The following SESN3 variants were observed in gnomAD, a reference collection of about 807,000 sequenced individuals.
SESN3 encodes sestrin 3.
Under a neutral mutation model 55.3 loss-of-function variants are expected in SESN3, and 21 were observed. The observed-to-expected ratio is 0.38, with a 90% CI of 0.27 to 0.55. SESN3 has a LOEUF of 0.55. Among genes scored for constraint, SESN3 ranks in the 20% least tolerant of loss-of-function variants. The pLI is 0.76. For synonymous variants in SESN3, 181 were observed against 203.1 expected (o/e 0.89, Z 0.93); for missense variants, 408 against 604.3 (o/e 0.68, Z 3.41).
Position 95,170,196 on chromosome 11 carries a change from C to A in SESN3, c.*3059G>T, listed in dbSNP as rs1859823937. 1 of 152,126 alleles carries A rather than the reference C, an allele frequency of 6.6e-6. No individual in the cohort carries two copies. The highest frequency in any genetic ancestry group is 1.5e-5 in the Non-Finnish European group (1 of 68,022). 9.4% of individuals were successfully genotyped at this position (152,126 alleles called of 1,614,324 possible). The stretch of plus-strand genomic sequence containing the variant: ...CTCGTCTGAAGAAGCCAGTGAGGCA[C>A]CTGCCTGGCTACTCCCATAGTCAGG... On this transcript the variant is annotated 3_prime_UTR_variant, in exon 10 of 10. Coordinates refer to ENST00000536441, the MANE Select transcript of SESN3 (RefSeq NM_144665.4).
intron 3 of SESN3, among the ~76,000 whole-genome samples, chr11:95,190,728 A>G (rs902797940): frequency 4.6e-5 from 7 of 152,110 alleles, no homozygotes; most frequent in African/African-American, 1.4e-4. Flanking sequence ...ACGTGGTCAA[A>G]CTTAATCTCC....
chr11:95,175,494 G>A lies in SESN3; in HGVS notation c.1392+4C>T, dbSNP rs11021065. On this transcript the variant is annotated splice_donor_region_variant and intron_variant, in intron 9 of 9. Transcript: ENST00000536441. ...GGTATAATGCTTAATACTGAAACAC[G>A]TACTTTTTCTGAGTGTTTGAACTGC... The A allele has an allele frequency of 2.5e-6, 4 of 1,611,994 alleles. No homozygotes were observed. The highest frequency in any genetic ancestry group is 1.7e-4 in the Middle Eastern group (1 of 6,056).
intron 1 of SESN3, among the ~76,000 whole-genome samples, chr11:95,207,012 C>T (rs1300515896): frequency 2.6e-5 from 4 of 152,066 alleles, no homozygotes; most frequent in Admixed American, 2.6e-4. Context: ...AACTCCTGAC[C>T]TCGTGATCCA....
intron 1 of SESN3, among the ~76,000 whole-genome samples, chr11:95,215,507 A>G (rs1267894331): frequency 2.6e-5 from 4 of 152,186 alleles, no homozygotes; most frequent in South Asian, 2.1e-4. Context: ...TATTAATTCA[A>G]TGAAGACCGA....
At position 95,230,398 on chromosome 11, in the gene SESN3, T is replaced by C. The variant is rs1326749164; in HGVS notation, c.78+385A>G. The C allele has an allele frequency of 2.7e-5, 5 of 182,144 alleles. No homozygotes were observed. The highest frequency in any genetic ancestry group is 5.8e-5 in the Non-Finnish European group (5 of 86,798). 11.3% of individuals were successfully genotyped at this position (182,144 alleles called of 1,614,324 possible). A position where few individuals can be genotyped will look rare whatever the true frequency, so the allele number is the denominator to read the frequency against. ...TCGGGATCCGACCCAGCTGCTCTGA[T>C]TTCACACCGACCTCCATCAACAGCT... is the stretch of plus-strand genomic sequence containing the variant. On this transcript the variant is annotated intron_variant, in intron 1 of 9. Transcript: ENST00000536441. The surrounding 1 kb of genome is among the most constrained non-coding windows in gnomAD (Gnocchi z 4.6).
Position 95,169,484 on chromosome 11 carries a change from A to G in SESN3, c.*3771T>C, listed in dbSNP as rs1029045109. The G allele has an allele frequency of 2.0e-5, 3 of 152,258 alleles. No homozygotes were observed. Among genetic ancestry groups the G allele is most frequent in the South Asian group, 2.1e-4 (1 of 4,838 alleles). 9.4% of individuals were successfully genotyped at this position (152,258 alleles called of 1,614,324 possible). A position where few individuals can be genotyped will look rare whatever the true frequency, so the allele number is the denominator to read the frequency against. On this transcript the variant is annotated 3_prime_UTR_variant, in exon 10 of 10. Transcript: ENST00000536441. Reference sequence around the variant, plus strand: ...TAAGACCATCTCTTTGCATAAAAGCAGTTCTATTAAAGAGAAGAATTTAAG... The same window carrying G: ...TAAGACCATCTCTTTGCATAAAAGCGGTTCTATTAAAGAGAAGAATTTAAG...
At chr11:95,219,520 C>T in intron 1 of SESN3, among the ~76,000 whole-genome samples, 1 of 152,106 alleles carries the variant, frequency 6.6e-6, no homozygotes, top group South Asian at 2.1e-4. Flanking sequence ...AAATATGCCA[C>T]CCCACTTAAA....
At chr11:95,210,170 G>A (rs113135100) in intron 1 of SESN3, among the ~76,000 whole-genome samples, 15,066 of 151,938 alleles carry the variant, frequency 0.099, 972 homozygotes, top group East Asian at 0.19. Flanking sequence ...TGAACAATGA[G>A]AACACATGGA....
chr11:95,232,304 G>T (rs1445157608), upstream of SESN3: 1 of 152,274 alleles, frequency 6.6e-6, no homozygotes, highest in African/African-American at 2.4e-5. Flanking sequence ...GGCTAGCAAT[G>T]CGCGTCCGAG....
chr11:95,199,520 A>G (rs1860423763), intron 1 of SESN3, among the ~76,000 whole-genome samples: 1 of 152,060 alleles, frequency 6.6e-6, no homozygotes, highest in Non-Finnish European at 1.5e-5. Flanking sequence ...AGATCCCTTT[A>G]AAGGATATAA....
rs1354938497 is a variant in SESN3, at chr11:95,193,596, C to T, written c.79-74G>A. Reference sequence around the variant, plus strand: ...ATGTTAAATTTGTACACATTTATTGCTAAGGTACTAAAATAAAGAGAATAA... The same window carrying T: ...ATGTTAAATTTGTACACATTTATTGTTAAGGTACTAAAATAAAGAGAATAA... On this transcript the variant is annotated intron_variant, in intron 1 of 9. Transcript: ENST00000536441. 7.4e-6 allele frequency: 6 copies of T among 806,568 alleles called. No homozygotes were observed. The Admixed American group carries it at 1.0e-4, about 14-fold the overall frequency. The allele number at this position is 806,568 out of a possible 1,614,324, so 50.0% of individuals were successfully genotyped here.
intron 1 of SESN3, among the ~76,000 whole-genome samples, chr11:95,213,551 C>A (rs1022477017): frequency 1.3e-5 from 2 of 152,058 alleles, no homozygotes; most frequent in Admixed American, 6.6e-5. Context: ...CAAAAGAGAA[C>A]AAGGGAGGCA....
rs1859825001 is a variant in SESN3 at position 95,170,258 on chromosome 11, ATC to A, written c.*2995_*2996del. 1 of 152,240 alleles carries A rather than the reference ATC, an allele frequency of 6.6e-6. No homozygotes were observed. The highest frequency in any genetic ancestry group is 6.5e-5 in the Admixed American group (1 of 15,284). 9.4% of individuals were successfully genotyped at this position (152,240 alleles called of 1,614,324 possible). On this transcript the variant is annotated 3_prime_UTR_variant, in exon 10 of 10. Coordinates refer to ENST00000536441, the MANE Select transcript of SESN3 (RefSeq NM_144665.4). ...ACAGATTATTTTCAGGTGGGAGAGTATCTCAATATTTCTTAAGGTGATCTGAG... is the reference window on the plus strand; with the variant it reads ...ACAGATTATTTTCAGGTGGGAGAGTATCAATATTTCTTAAGGTGATCTGAG...
chr11:95,230,192 C>T lies in SESN3; in HGVS notation c.78+591G>A, dbSNP rs2134277292. 2 of 152,648 alleles carry T rather than the reference C, an allele frequency of 1.3e-5. No homozygotes were observed. Among genetic ancestry groups the T allele is most frequent in the South Asian group, 4.1e-4 (2 of 4,870 alleles). The allele number at this position is 152,648 out of a possible 1,614,324, so 9.5% of individuals were successfully genotyped here. On this transcript the variant is annotated intron_variant, in intron 1 of 9. Transcript: ENST00000536441. The surrounding 1 kb of genome is among the most constrained non-coding windows in gnomAD (Gnocchi z 4.6). ...ACTGGCCAGGTCGAATTGCATTTCC[C>T]ATGGGCATAAAGTTCAAGATGCTTT...
Position 95,189,890 on chromosome 11 carries a change from A to G in SESN3, c.414T>C (p.Ile138=), listed in dbSNP as rs1249401986. The change falls in exon 4 of 10, where the codon ATT becomes ATC. Residue 138 remains isoleucine, a synonymous_variant. Coordinates refer to ENST00000536441, the MANE Select transcript of SESN3 (RefSeq NM_144665.4). ...HVDEFLKTGG[I]AEWLNGLEYV... ...ATTCCAAACCATTCAACCACTCAGC[A>G]ATACCTCCAGTCTTTAAAAATTCAT... 1 of 1,611,636 alleles carries G rather than the reference A, an allele frequency of 6.2e-7. No homozygotes were observed.
rs1335336697 is a variant in SESN3 at position 95,173,414 on chromosome 11, G to GT, written c.1393-74dup. On this transcript the variant is annotated intron_variant, in intron 9 of 9. Coordinates refer to ENST00000536441, the MANE Select transcript of SESN3 (RefSeq NM_144665.4). Reference sequence around the variant, plus strand: ...AAAATCTTATTAGACATTCACAAAGGTTTTTTTATGTGTATATAAGCAATA... The same window carrying GT: ...AAAATCTTATTAGACATTCACAAAGGTTTTTTTTATGTGTATATAAGCAATA... 35 of 871,884 alleles carry GT rather than the reference G, an allele frequency of 4.0e-5. 1 individual carries two copies. Among genetic ancestry groups the GT allele is most frequent in the South Asian group, 2.9e-4 (19 of 65,540 alleles). 54.0% of individuals were successfully genotyped at this position (871,884 alleles called of 1,614,324 possible). A position where few individuals can be genotyped will look rare whatever the true frequency, so the allele number is the denominator to read the frequency against.
Position 95,168,489 on chromosome 11 carries a change from TACTG to T in SESN3, c.*4762_*4765del, listed in dbSNP as rs1191475213. 1 of 152,252 alleles carries T rather than the reference TACTG, an allele frequency of 6.6e-6. No homozygotes were observed. Among genetic ancestry groups the T allele is most frequent in the African/African-American group, 2.4e-5 (1 of 41,466 alleles). The allele number at this position is 152,252 out of a possible 1,614,324, so 9.4% of individuals were successfully genotyped here. ...TTTATTTAAAATATGGAAGTTGTAT[TACTG>T]AACAACAGTGAGTGAATCCATGAAA... On this transcript the variant is annotated 3_prime_UTR_variant, in exon 10 of 10. Transcript: ENST00000536441.
chr11:95,204,975 C>A (rs1011136066), intron 1 of SESN3: 1 of 152,144 alleles, frequency 6.6e-6, no homozygotes, highest in African/African-American at 2.4e-5. Context: ...GTAACCAAAA[C>A]AGGAAAGCCT....
chr11:95,184,242 C>T (rs995586370), intron 6 of SESN3, 178 bp downstream of exon 6: 1 of 610,848 alleles, frequency 1.6e-6, no homozygotes, highest in East Asian at 2.7e-5. Flanking sequence ...ATCTGAAATA[C>T]ATTCAAGGAT....
Sources: gnomAD v4.1 joint callset for allele counts (sites outside exome capture counted in the v4.1 genomes callset) on GRCh38, gnomAD v4.1.1 for gene constraint, Gnocchi (gnomAD v3.1) non-coding constraint, MANE v1.5 for transcripts, NCBI Gene and HGNC (gene_info 2026-07-23, HGNC 2026-07-21) for gene names.